Variants in DSC1 observed in about 807,000 individuals in gnomAD.
DSC1 encodes the protein desmocollin 1.
DSC1 carries 79 observed loss-of-function variants against 98.8 expected under a neutral mutation model. The observed-to-expected ratio is 0.80, with a 90% CI of 0.67 to 0.96. The LOEUF (loss-of-function observed/expected upper bound fraction) is 0.96, where lower values mean the gene tolerates loss of function less well. DSC1 is among the 50% of genes least tolerant of loss of function. The pLI is 0.00. For synonymous variants in DSC1, 405 were observed against 372.1 expected (o/e 1.09, Z -1.02); for missense variants, 1,115 against 1,075.9 (o/e 1.04, Z -0.51).
Position 31,145,621 on chromosome 18 carries a change from A to T in DSC1, c.929T>A (p.Leu310Gln). The change falls in exon 7 of 16, where the codon CTG (leucine) becomes CAG (glutamine). Residue 310 changes from leucine (L) to glutamine (Q), a missense_variant. By Grantham distance (113) the Leu-to-Gln change is moderately radical. Transcript: ENST00000257198. Reference protein sequence around the residue: ...TGVITTTTPFLDREKCDTYQL... With the variant: ...TGVITTTTPFQDREKCDTYQL... ...ATTAATCATCATTACTTCTCTATCC[A>T]GAAAAGGTGTAGTTGTGGTGATGAC... is the stretch of plus-strand genomic sequence containing the variant. 2 of 1,614,140 alleles carry T rather than the reference A, an allele frequency of 1.2e-6. No homozygotes were observed. Among genetic ancestry groups the T allele is most frequent in the Non-Finnish European group, 1.7e-6 (2 of 1,179,996 alleles).
chr18:31,131,869 T>A (rs1169836072), intron 14 of DSC1, 27 bp from the exon 15 acceptor site: 1 of 1,607,600 alleles, frequency 6.2e-7, no homozygotes, highest in Non-Finnish European at 8.5e-7. Context: ...AGTGATAAAG[T>A]GAATTTGAAA....
At position 31,130,723 on chromosome 18, in the gene DSC1, A is replaced by C. The variant is rs377023366; in HGVS notation, c.2488-12T>G. Reference sequence around the variant, plus strand: ...CACAAATACACCTTCTGTATCAAAAAAGAGCACATTTTATTATTTTTTAAA... The same window carrying C: ...CACAAATACACCTTCTGTATCAAAACAGAGCACATTTTATTATTTTTTAAA... On this transcript the variant is annotated splice_polypyrimidine_tract_variant and intron_variant, in intron 15 of 15. Coordinates refer to ENST00000257198, the MANE Select transcript of DSC1 (RefSeq NM_024421.2). 8.1e-6 allele frequency: 13 copies of C among 1,613,010 alleles called. No individual in the cohort carries two copies. The African/African-American group carries it at 1.7e-4, about 22-fold the overall frequency.
At position 31,159,348 on chromosome 18, in the gene DSC1, C is replaced by A; in HGVS notation, c.148+97G>T. 10 of 1,260,170 alleles carry A rather than the reference C, an allele frequency of 7.9e-6. No homozygotes were observed. In the South Asian group the frequency reaches 1.0e-4, roughly 13 times the overall value. 78.1% of individuals were successfully genotyped at this position (1,260,170 alleles called of 1,614,324 possible). A position where few individuals can be genotyped will look rare whatever the true frequency, so the allele number is the denominator to read the frequency against. On this transcript the variant is annotated intron_variant, in intron 2 of 15. Coordinates refer to ENST00000257198, the MANE Select transcript of DSC1 (RefSeq NM_024421.2). ...GATTACAGGCGTGAGCCACCGCGCC[C>A]GGCCTACTATGTGGTTTTTATCCCA...
chr18:31,146,147 T>C (rs1988841424), intron 6 of DSC1, among the ~76,000 whole-genome samples: 1 of 152,172 alleles, frequency 6.6e-6, no homozygotes, highest in Non-Finnish European at 1.5e-5. Context: ...GGGTATATTG[T>C]GCGATACCGA....
intron 6 of DSC1, among the ~76,000 whole-genome samples, chr18:31,148,171 A>G (rs548566025): frequency 6.6e-6 from 1 of 152,286 alleles, no homozygotes; most frequent in Non-Finnish European, 1.5e-5. Context: ...GGTAAACCAA[A>G]CACCAACTTC....
chr18:31,148,364 G>T, intron 6 of DSC1, 134 bp downstream of exon 6: 1 of 1,143,612 alleles, frequency 8.7e-7, no homozygotes. Context: ...TTCCTAATGG[G>T]AAAAAAAGTG....
intron 5 of DSC1, among the ~76,000 whole-genome samples, chr18:31,150,397 T>TCACCACCGTTGTCATCACC (rs1555645636): frequency 4.5e-4 from 8 of 17,938 alleles, no homozygotes; most frequent in East Asian, 3.7e-3. Context: ...TCACCACCAT[T>TCACCACCGTTGTCATCACC]ATCACCACCA....
intron 1 of DSC1, 103 bp downstream of exon 1, chr18:31,162,429 C>A (rs544256658): frequency 3.7e-6 from 4 of 1,087,888 alleles, no homozygotes; most frequent in Admixed American, 1.9e-5. Context: ...AATCTCTCTT[C>A]TCTGCCTCCC....
At chr18:31,134,491 T>G in intron 12 of DSC1, 81 bp downstream of exon 12, 1 of 1,156,754 alleles carries the variant, frequency 8.6e-7, no homozygotes. Context: ...TAAATGTGTA[T>G]TTATTATGAT....
intron 2 of DSC1, among the ~76,000 whole-genome samples, chr18:31,159,047 G>GTTTTGTTTTTTTTTTT (rs1555646386): frequency 1.4e-5 from 1 of 71,072 alleles, no homozygotes; most frequent in African/African-American, 5.8e-5. Flanking sequence ...CTACTATGTG[G>GTTTTGTTTTTTTTTTT]TTTTTTTTTT....
At position 31,130,637 on chromosome 18, in the gene DSC1, G is replaced by A. The variant is rs376078152; in HGVS notation, c.2562C>T (p.Gly854=). The change falls in exon 16 of 16, where the codon GGC becomes GGT. Residue 854 remains glycine (G), a synonymous_variant. Transcript: ENST00000257198. ...EDYVCSYNYE[G]KGSLAGSVGC... is the part of the protein sequence containing the mutation. ...CTACTGAGCCGGCCAGAGAACCTTT[G>A]CCTTCATAGTTATACGAACAAACGT... 1.7e-5 allele frequency: 28 copies of A among 1,613,946 alleles called. No individual in the cohort carries two copies. Among genetic ancestry groups the A allele is most frequent in the African/African-American group, 5.3e-5 (4 of 74,888 alleles).
chr18:31,135,882 G>T (rs774617167), intron 11 of DSC1, among the ~76,000 whole-genome samples: 3 of 152,070 alleles, frequency 2.0e-5, no homozygotes, highest in Non-Finnish European at 2.9e-5. Context: ...AAACATGTAT[G>T]TTGAATTTAT....
At chr18:31,160,493 A>C (rs1989189142) in intron 1 of DSC1, among the ~76,000 whole-genome samples, 1 of 152,180 alleles carries the variant, frequency 6.6e-6, no homozygotes, top group Non-Finnish European at 1.5e-5. Flanking sequence ...AAGGATGTGC[A>C]CTTCTTTTCC....
chr18:31,159,579 T>C (rs1568006514), intron 1 of DSC1, 50 bp from the exon 2 acceptor site: 1 of 1,500,066 alleles, frequency 6.7e-7, no homozygotes, highest in South Asian at 1.3e-5. Flanking sequence ...TGATCACAAA[T>C]TTTCACATTG....
chr18:31,152,167 A>C (rs935534929), intron 5 of DSC1, among the ~76,000 whole-genome samples: 47 of 141,868 alleles, frequency 3.3e-4, no homozygotes, highest in Non-Finnish European at 5.3e-4. Context: ...ATATCAAAAA[A>C]ACAACAAAAA....
At chr18:31,148,429 T>A (rs1331428386) in intron 6 of DSC1, 69 bp downstream of exon 6, 3 of 1,441,712 alleles carry the variant, frequency 2.1e-6, no homozygotes, top group Non-Finnish European at 2.8e-6. Context: ...AACGTAAACA[T>A]CTTTAATTAT....
intron 4 of DSC1, 119 bp downstream of exon 4, chr18:31,155,924 T>G (rs569067677): frequency 9.4e-7 from 1 of 1,062,884 alleles, no homozygotes; most frequent in African/African-American, 1.6e-5. Context: ...GGTGAATAGA[T>G]GATCATTATT....
intron 7 of DSC1, among the ~76,000 whole-genome samples, chr18:31,144,203 C>A (rs919981777): frequency 6.6e-6 from 1 of 151,508 alleles, no homozygotes; most frequent in Non-Finnish European, 1.5e-5. Flanking sequence ...AGCCACTGTG[C>A]CTGGCCCAAA....
At chr18:31,154,538 A>G (rs892383418) in intron 5 of DSC1, among the ~76,000 whole-genome samples, 2 of 152,104 alleles carry the variant, frequency 1.3e-5, no homozygotes, top group African/African-American at 4.8e-5. Context: ...AGACCAAAAT[A>G]TATCCTTTAA....
Sources: allele counts gnomAD v4.1 joint callset (sites outside exome capture counted in the v4.1 genomes callset), GRCh38; gene constraint gnomAD v4.1.1; transcripts MANE v1.5; gene names NCBI Gene and HGNC (gene_info 2026-07-23, HGNC 2026-07-21).